Variants in GALNT2 observed in about 807,000 individuals in gnomAD.
GALNT2 encodes polypeptide N-acetylgalactosaminyltransferase 2.
Under a neutral mutation model 81.4 loss-of-function variants are expected in GALNT2, and 31 were observed. That is an observed-to-expected ratio of 0.38 (90% CI 0.29 to 0.51). The LOEUF (loss-of-function observed/expected upper bound fraction) is 0.51, where lower values mean the gene tolerates loss of function less well. GALNT2 is among the 20% of genes least tolerant of loss of function. The probability of loss-of-function intolerance (pLI) is 0.87; values close to 1 mark genes in which losing one functional copy is unlikely to be tolerated. For missense variants in GALNT2, 629 were observed against 765.7 expected (o/e 0.82, Z 2.11); for synonymous variants, 303 against 287.4 (o/e 1.05, Z -0.55).
chr1:230,115,259 C>T (rs1003217450), intron 1 of GALNT2, among the ~76,000 whole-genome samples: 2 of 152,154 alleles, frequency 1.3e-5, no homozygotes, highest in African/African-American at 4.8e-5. Flanking sequence ...CTGCCTCGGC[C>T]TCCCAGAGTG....
intron 14 of GALNT2, among the ~76,000 whole-genome samples, chr1:230,267,031 C>G (rs1666056029): frequency 6.6e-6 from 1 of 150,456 alleles, no homozygotes; most frequent in Non-Finnish European, 1.5e-5. Context: ...AGCACATATG[C>G]TCATCACGTT....
Position 230,271,803 on chromosome 1 carries a change from G to A in GALNT2, c.1441-2642G>A, listed in dbSNP as rs1248060732. Among the ~76,000 whole-genome samples the A allele has an allele frequency of 2.6e-5, 4 of 152,212 alleles. No individual in the cohort carries two copies. The highest frequency in any genetic ancestry group is 4.8e-5 in the African/African-American group (2 of 41,460). On this transcript the variant is annotated intron_variant, in intron 14 of 15. Coordinates refer to ENST00000366672, the MANE Select transcript of GALNT2 (RefSeq NM_004481.5). This position sits in a 1 kb window ranked among gnomAD's most constrained non-coding sequence, Gnocchi z 4.2. ...GCTCTCCCAGCGCCTCCGCATGTCC[G>A]GCAGCCACATCCCGGAGTGCAAGGA...
chr1:230,250,202 A>G (rs1290262881), intron 9 of GALNT2, among the ~76,000 whole-genome samples: 1 of 152,202 alleles, frequency 6.6e-6, no homozygotes, highest in East Asian at 1.9e-4. Context: ...GCTCCCACAT[A>G]GGGGAGGCTC....
In GALNT2 at chr1:230,265,241, G is replaced by A. The variant is rs773899327; in HGVS notation, c.1314G>A (p.Arg438=). 12 of 1,614,178 alleles carry A rather than the reference G, an allele frequency of 7.4e-6. No homozygotes were observed. The highest frequency in any genetic ancestry group is 1.6e-4 in the Middle Eastern group (1 of 6,062). ...WYLENVYPEL[R]VPDHQDIAFG... ...AGGTGATTCTCACGTTGTTTTTCAG[G>A]GTTCCAGACCATCAGGATATAGCTT... The change falls in exon 14 of 16, where the codon AGG becomes AGA. Residue 438 remains arginine, a splice_region_variant and synonymous_variant. Coordinates refer to ENST00000366672, the MANE Select transcript of GALNT2 (RefSeq NM_004481.5).
In GALNT2 at chr1:230,067,381, G is replaced by C; in HGVS notation, c.101G>C (p.Gly34Ala). The C allele has an allele frequency of 7.8e-7, 1 of 1,285,092 alleles. No individual in the cohort carries two copies. The highest frequency in any genetic ancestry group is 1.6e-5 in the African/African-American group (1 of 63,866). 79.6% of individuals were successfully genotyped at this position (1,285,092 alleles called of 1,614,324 possible). Residue 34 changes from glycine (G) to alanine (A), a missense_variant, in exon 1 of 16, where the codon GGC becomes GCC. Transcript: ENST00000366672. ...GGGGGCGGCTCTGCGCTGGCCGGGGGCGCGGGCGGCGGCGCCGGCAGGAAG... is the reference window on the plus strand; with the variant it reads ...GGGGGCGGCTCTGCGCTGGCCGGGGCCGCGGGCGGCGGCGCCGGCAGGAAG... Reference protein sequence around the residue: ...YSGGGSALAGGAGGGAGRKED... With the variant: ...YSGGGSALAGAAGGGAGRKED...
At chr1:230,076,286 G>A (rs537053448) in intron 1 of GALNT2, among the ~76,000 whole-genome samples, 36 of 152,276 alleles carry the variant, frequency 2.4e-4, no homozygotes, top group Non-Finnish European at 2.5e-4. Flanking sequence ...ACCAAGCATC[G>A]GGTAAGTCAT....
intron 1 of GALNT2, among the ~76,000 whole-genome samples, chr1:230,067,876 C>T (rs1659247237): frequency 6.6e-6 from 1 of 152,234 alleles, no homozygotes; most frequent in Non-Finnish European, 1.5e-5. Context: ...TCCCTTTCCC[C>T]CTGTCACTCC....
intron 13 of GALNT2, 155 bp downstream of exon 13, chr1:230,263,160 G>GC (rs1385306751): frequency 1.6e-6 from 1 of 635,184 alleles, no homozygotes; most frequent in East Asian, 2.7e-5. Flanking sequence ...ATGGTGTGGA[G>GC]CTGAGAATCT....
intron 6 of GALNT2, among the ~76,000 whole-genome samples, chr1:230,238,411 G>A (rs1158186166): frequency 6.6e-6 from 1 of 152,122 alleles, no homozygotes; most frequent in East Asian, 1.9e-4. Context: ...TCTCTGGGTG[G>A]GGTGTGGGCA....
At chr1:230,115,850 A>G (rs1038048067) in intron 1 of GALNT2, among the ~76,000 whole-genome samples, 1 of 152,222 alleles carries the variant, frequency 6.6e-6, no homozygotes, top group South Asian at 2.1e-4. Flanking sequence ...TAATTTTGAC[A>G]TGCTCACAGC....
intron 1 of GALNT2, among the ~76,000 whole-genome samples, chr1:230,060,554 A>C (rs890563421): frequency 6.6e-6 from 1 of 152,100 alleles, no homozygotes; most frequent in Non-Finnish European, 1.5e-5. Flanking sequence ...GCAGTGAATA[A>C]TATGTCTATT....
At chr1:230,090,132 T>A (rs1429532185) in intron 1 of GALNT2, among the ~76,000 whole-genome samples, 1 of 152,188 alleles carries the variant, frequency 6.6e-6, no homozygotes, top group Non-Finnish European at 1.5e-5. Flanking sequence ...ATCATCTTTT[T>A]TTTGGATGAG....
At chr1:230,220,194 A>G (rs1413739414) in intron 3 of GALNT2, among the ~76,000 whole-genome samples, 1 of 152,224 alleles carries the variant, frequency 6.6e-6, no homozygotes, top group African/African-American at 2.4e-5. Flanking sequence ...GAGAACAGTC[A>G]TCAGGTCAGG....
At chr1:230,128,282 T>C (rs932512166) in intron 1 of GALNT2, among the ~76,000 whole-genome samples, 4 of 152,092 alleles carry the variant, frequency 2.6e-5, no homozygotes, top group Non-Finnish European at 5.9e-5. Flanking sequence ...TGTGTGGTTA[T>C]GAAGGAAAAC....
chr1:230,200,497 A>G (rs1474271064), intron 2 of GALNT2, among the ~76,000 whole-genome samples: 1 of 152,170 alleles, frequency 6.6e-6, no homozygotes, highest in Non-Finnish European at 1.5e-5. Context: ...GTCACCTAGT[A>G]TGCACCGCAG....
intron 6 of GALNT2, among the ~76,000 whole-genome samples, chr1:230,237,813 C>T (rs1167972687): frequency 6.6e-6 from 1 of 151,578 alleles, no homozygotes; most frequent in Non-Finnish European, 1.5e-5. Flanking sequence ...AAGTATCTGC[C>T]ATCCTACCCC....
At chr1:230,124,307 G>A (rs1661108888) in intron 1 of GALNT2, among the ~76,000 whole-genome samples, 1 of 152,174 alleles carries the variant, frequency 6.6e-6, no homozygotes, top group South Asian at 2.1e-4. Flanking sequence ...TAAGCATGTT[G>A]TGTGCTGGTG....
At chr1:230,266,845 A>G (rs1666049459) in intron 14 of GALNT2, among the ~76,000 whole-genome samples, 1 of 152,202 alleles carries the variant, frequency 6.6e-6, no homozygotes. Flanking sequence ...TGGTTTTGGT[A>G]GAGTTGATCC....
At chr1:230,134,366 C>T (rs1661469675) in intron 1 of GALNT2, among the ~76,000 whole-genome samples, 1 of 152,144 alleles carries the variant, frequency 6.6e-6, no homozygotes, top group Non-Finnish European at 1.5e-5. Flanking sequence ...CTTGGCCTCC[C>T]AAAGTGCTGG....
Sources: allele counts gnomAD v4.1 joint callset (sites outside exome capture counted in the v4.1 genomes callset), GRCh38; gene constraint gnomAD v4.1.1; non-coding constraint Gnocchi (gnomAD v3.1); transcripts MANE v1.5; gene names NCBI Gene and HGNC (gene_info 2026-07-23, HGNC 2026-07-21).